Variants in SLC22A23 observed in about 807,000 individuals in gnomAD.
The protein encoded by SLC22A23 is solute carrier family 22 member 23.
SLC22A23 carries 26 observed loss-of-function variants against 61.0 expected under a neutral mutation model. The observed-to-expected ratio is 0.43, with a 90% CI of 0.31 to 0.59. The LOEUF (loss-of-function observed/expected upper bound fraction) is 0.59. SLC22A23 is among the 20% of genes least tolerant of loss of function. SLC22A23 has a pLI of 0.11. For missense variants in SLC22A23, 796 were observed against 934.7 expected (o/e 0.85, Z 1.94); for synonymous variants, 430 against 413.9 (o/e 1.04, Z -0.47).
At chr6:3,445,719 A>T (rs1771860710) in intron 1 of SLC22A23, among the ~76,000 whole-genome samples, 1 of 152,086 alleles carries the variant, frequency 6.6e-6, no homozygotes, top group African/African-American at 2.4e-5. Context: ...GGAAGGAGGG[A>T]AGGGGCTCGA....
rs190969135 is a variant in SLC22A23 at position 3,454,832 on chromosome 6, T to C, written c.654+1074A>G. 7.2e-5 allele frequency among the ~76,000 whole-genome samples: 11 copies of C among 152,312 alleles called. No individual in the cohort carries two copies. In the South Asian group the frequency reaches 1.5e-3, roughly 20 times the overall value. On this transcript the variant is annotated intron_variant, in intron 1 of 9. Transcript: ENST00000406686. The surrounding 1 kb of genome is among the most constrained non-coding windows in gnomAD (Gnocchi z 4.3). The stretch of plus-strand genomic sequence containing the variant: ...TCCATGAGCTACAACTGTTAACCAA[T>C]GCACACGGGGGGAGGAGGTTACATG...
chr6:3,389,268 C>CCA (rs1767509021), intron 3 of SLC22A23, among the ~76,000 whole-genome samples: 2 of 32,594 alleles, frequency 6.1e-5, no homozygotes. Context: ...AACTCTGTCT[C>CCA]AAAAAAAAAA....
chr6:3,270,558 G>A lies in SLC22A23; in HGVS notation c.*2497C>T, dbSNP rs1448730159. 4.6e-5 allele frequency: 7 copies of A among 152,336 alleles called. No homozygotes were observed. The highest frequency in any genetic ancestry group is 1.0e-4 in the Non-Finnish European group (7 of 68,050). 9.4% of individuals were successfully genotyped at this position (152,336 alleles called of 1,614,324 possible). On this transcript the variant is annotated 3_prime_UTR_variant, in exon 10 of 10. Coordinates refer to ENST00000406686, the MANE Select transcript of SLC22A23 (RefSeq NM_015482.2). ...AGGAGAGCTGTGGGACCGCCTCGCC[G>A]GCTGAGAGCCATTACCTGCCGACCG...
At chr6:3,344,491 G>A (rs1202866796) in intron 3 of SLC22A23, among the ~76,000 whole-genome samples, 2 of 152,148 alleles carry the variant, frequency 1.3e-5, no homozygotes, top group Non-Finnish European at 1.5e-5. Flanking sequence ...GGACACAAGC[G>A]GTAGTGTCTG....
At chr6:3,452,203 C>G (rs1216999014) in intron 1 of SLC22A23, among the ~76,000 whole-genome samples, 14 of 152,154 alleles carry the variant, frequency 9.2e-5, no homozygotes, top group Admixed American at 9.2e-4. Context: ...ACACAAGACA[C>G]AACACCATCC....
At position 3,323,846 on chromosome 6, in the gene SLC22A23, A is replaced by G. The variant is rs1763113202; in HGVS notation, c.1070T>C (p.Leu357Pro). The G allele has an allele frequency of 6.2e-7, 1 of 1,613,786 alleles. No individual in the cohort carries two copies. Among genetic ancestry groups the G allele is most frequent in the African/African-American group, 1.3e-5 (1 of 74,962 alleles). Residue 357 changes from leucine (L) to proline (P), a missense_variant, in exon 4 of 10, where the codon CTG becomes CCG. By Grantham distance (98) the Leu-to-Pro change is moderately conservative (BLOSUM62 -3). Coordinates refer to ENST00000406686, the MANE Select transcript of SLC22A23 (RefSeq NM_015482.2). ...AGAGTGTACTCACGACCAGTAGAGC[A>G]GCATGAGCAGGAAGGGGCAGATGAT... The part of the protein sequence containing the change: ...ALIICPFLLM[L>P]LYWSIFPESL...
intron 2 of SLC22A23, among the ~76,000 whole-genome samples, chr6:3,413,821 T>G (rs978746090): frequency 6.6e-6 from 1 of 151,718 alleles, no homozygotes; most frequent in African/African-American, 2.4e-5. Context: ...GAAAATGGAG[T>G]TGGAAAATAC....
intron 3 of SLC22A23, among the ~76,000 whole-genome samples, chr6:3,384,520 A>G (rs1767163859): frequency 6.6e-6 from 1 of 152,222 alleles, no homozygotes; most frequent in African/African-American, 2.4e-5. Context: ...CACGGAACAG[A>G]GCTGCCTTTT....
At chr6:3,377,634 A>C (rs780020770) in intron 3 of SLC22A23, among the ~76,000 whole-genome samples, 1 of 150,824 alleles carries the variant, frequency 6.6e-6, no homozygotes, top group Non-Finnish European at 1.5e-5. Context: ...GTGCCCCTCC[A>C]AGTCTCGCAC....
intron 9 of SLC22A23, among the ~76,000 whole-genome samples, chr6:3,278,460 ACT>A (rs1247587824): frequency 1.3e-5 from 2 of 152,102 alleles, no homozygotes; most frequent in East Asian, 1.9e-4. Flanking sequence ...GTTCAAAGAC[ACT>A]CTGCATCTTT....
rs1308587258 is a variant in SLC22A23 at position 3,456,798 on chromosome 6, G to A, written c.-239C>T. The A allele has an allele frequency of 6.7e-6, 1 of 148,784 alleles. No homozygotes were observed. The highest frequency in any genetic ancestry group is 2.1e-4 in the South Asian group (1 of 4,862). 9.2% of individuals were successfully genotyped at this position (148,784 alleles called of 1,614,324 possible). ...CGCCGGGCAGAGGCGGGCAGAGGCC[G>A]GCCGGGCCCTCAGCCGCCGCGGCTC... On this transcript the variant is annotated 5_prime_UTR_variant, in exon 1 of 10. Coordinates refer to ENST00000406686, the MANE Select transcript of SLC22A23 (RefSeq NM_015482.2). The surrounding 1 kb of genome is among the most constrained non-coding windows in gnomAD (Gnocchi z 7.1).
intron 3 of SLC22A23, among the ~76,000 whole-genome samples, chr6:3,378,644 T>C (rs1715938092): frequency 7.4e-6 from 1 of 135,958 alleles, no homozygotes; most frequent in East Asian, 2.2e-4. Flanking sequence ...ACTTTTTTTT[T>C]CTTTTCTTTT....
chr6:3,306,840 C>T (rs983394279), intron 4 of SLC22A23, among the ~76,000 whole-genome samples: 2 of 152,218 alleles, frequency 1.3e-5, no homozygotes, highest in Non-Finnish European at 2.9e-5. Context: ...GACAAGGACG[C>T]TGTCTAGAGC....
rs1761209886 is a variant in SLC22A23 at position 3,297,467 on chromosome 6, A to G, written c.1210+624T>C. Among the ~76,000 whole-genome samples, 1 of 152,172 alleles carries G rather than the reference A, an allele frequency of 6.6e-6. No homozygotes were observed. The highest frequency in any genetic ancestry group is 6.5e-5 in the Admixed American group (1 of 15,278). On this transcript the variant is annotated intron_variant, in intron 5 of 9. Transcript: ENST00000406686. The surrounding 1 kb of genome is among the most constrained non-coding windows in gnomAD (Gnocchi z 4.3). ...ATGCAAGTTCTCAGGGCTTATCCCA[A>G]ATCTAACAGGTCAGGATCTCCAGGT...
chr6:3,392,582 G>A (rs1014900034), intron 3 of SLC22A23, among the ~76,000 whole-genome samples: 1 of 152,164 alleles, frequency 6.6e-6, no homozygotes, highest in Admixed American at 6.5e-5. Flanking sequence ...AAATGAAAAG[G>A]CTTTGCCTCA....
chr6:3,368,280 G>A (rs76152881), intron 3 of SLC22A23, among the ~76,000 whole-genome samples: 5,674 of 152,262 alleles, frequency 0.037, 377 homozygotes, highest in African/African-American at 0.13. Flanking sequence ...GCTTCCCCGC[G>A]AGGCCCTTGC....
rs1581664425 is a variant in SLC22A23 at position 3,308,504 on chromosome 6, C to T, written c.1083-10286G>A. 5.3e-5 allele frequency among the ~76,000 whole-genome samples: 8 copies of T among 152,222 alleles called. No individual in the cohort carries two copies. The highest frequency in any genetic ancestry group is 5.2e-4 in the Admixed American group (8 of 15,284). Reference sequence around the variant, plus strand: ...CAGAGACAGTTCCCCCAGGTGTGGACAGTGGCTCTTCTCCTGAGGTCTTGA... The same window carrying T: ...CAGAGACAGTTCCCCCAGGTGTGGATAGTGGCTCTTCTCCTGAGGTCTTGA... On this transcript the variant is annotated intron_variant, in intron 4 of 9. Coordinates refer to ENST00000406686, the MANE Select transcript of SLC22A23 (RefSeq NM_015482.2). The surrounding 1 kb of genome is among the most constrained non-coding windows in gnomAD (Gnocchi z 5.1).
chr6:3,395,963 CA>C (rs1767976478), intron 3 of SLC22A23, among the ~76,000 whole-genome samples: 1 of 152,196 alleles, frequency 6.6e-6, no homozygotes, highest in Non-Finnish European at 1.5e-5. Context: ...AGAACTCATG[CA>C]AATTCCTTAC....
Position 3,289,282 on chromosome 6 carries a change from G to A in SLC22A23, c.1313+482C>T, listed in dbSNP as rs566851989. Among the ~76,000 whole-genome samples the A allele has an allele frequency of 2.6e-5, 4 of 152,368 alleles. No homozygotes were observed. In the East Asian group the frequency reaches 7.7e-4, roughly 29 times the overall value. On this transcript the variant is annotated intron_variant, in intron 6 of 9. Coordinates refer to ENST00000406686, the MANE Select transcript of SLC22A23 (RefSeq NM_015482.2). ...CCTGGGCCGGTGAGGGCCCTGGGAGGAGGTCTGCGCTCACTGGCCTGGCTC... is the reference window on the plus strand; with the variant it reads ...CCTGGGCCGGTGAGGGCCCTGGGAGAAGGTCTGCGCTCACTGGCCTGGCTC...
Sources: gnomAD v4.1 joint callset for allele counts (sites outside exome capture counted in the v4.1 genomes callset) on GRCh38, gnomAD v4.1.1 for gene constraint, Gnocchi (gnomAD v3.1) non-coding constraint, MANE v1.5 for transcripts, NCBI Gene and HGNC (gene_info 2026-07-23, HGNC 2026-07-21) for gene names.